Variants in ATRN observed in about 807,000 individuals in gnomAD.
ATRN encodes attractin-2.
A neutral mutation model predicts 178.7 loss-of-function variants in ATRN; 54 were observed. That is an observed-to-expected ratio of 0.30 (90% CI 0.24 to 0.38). The LOEUF is 0.38. Ranked by LOEUF, ATRN falls within the 10% of genes least tolerant of loss-of-function variation. The pLI, the probability that ATRN is intolerant of heterozygous loss-of-function variation, is 1.00. For missense variants in ATRN, 1,443 were observed against 1,815.1 expected (o/e 0.79, Z 3.73); for synonymous variants, 636 against 663.0 (o/e 0.96, Z 0.63).
chr20:3,621,625 C>G (rs190450175), intron 24 of ATRN, among the ~76,000 whole-genome samples: 1 of 152,038 alleles, frequency 6.6e-6, no homozygotes, highest in Admixed American at 6.5e-5. Context: ...AGAATTTCTT[C>G]TTTGTATTAA....
intron 12 of ATRN, among the ~76,000 whole-genome samples, chr20:3,574,839 A>T (rs1304389530): frequency 6.6e-6 from 1 of 152,168 alleles, no homozygotes; most frequent in East Asian, 1.9e-4. Context: ...AGAGCAGCCT[A>T]AGGAGCCGAC....
chr20:3,631,449 A>G (rs2086989097), intron 25 of ATRN, among the ~76,000 whole-genome samples: 2 of 148,502 alleles, frequency 1.3e-5, no homozygotes, highest in South Asian at 4.2e-4. Context: ...AGAAAAGTAA[A>G]CTCTAGGTCC....
intron 11 of ATRN, among the ~76,000 whole-genome samples, chr20:3,570,961 T>C (rs1367854447): frequency 6.6e-6 from 1 of 152,186 alleles, no homozygotes; most frequent in Non-Finnish European, 1.5e-5. Flanking sequence ...TTTGTGCACG[T>C]TTGTGTGTTT....
At chr20:3,630,763 T>C (rs6051988) in intron 25 of ATRN, among the ~76,000 whole-genome samples, 1,944 of 152,278 alleles carry the variant, frequency 0.013, 51 homozygotes, top group African/African-American at 0.045. Flanking sequence ...GGGGTTGAAC[T>C]TCTGGAAAAG....
At chr20:3,642,381 T>C (rs1305256146) in intron 27 of ATRN, among the ~76,000 whole-genome samples, 1 of 152,248 alleles carries the variant, frequency 6.6e-6, no homozygotes, top group Non-Finnish European at 1.5e-5. Context: ...CTGACATACC[T>C]TCCGCCTTTC....
chr20:3,628,574 C>T (rs1197873114), intron 25 of ATRN, among the ~76,000 whole-genome samples: 1 of 152,170 alleles, frequency 6.6e-6, no homozygotes, highest in Non-Finnish European at 1.5e-5. Flanking sequence ...TGTATCCACG[C>T]CCCTATGCTA....
rs758279716 is a variant in ATRN at position 3,584,033 on chromosome 20, C to T, written c.2900C>T (p.Ser967Phe). The change falls in exon 17 of 29, where the codon TCC (serine) becomes TTC (phenylalanine). Residue 967 changes from serine (S) to phenylalanine (F), a missense_variant. Physicochemically the swap from Ser to Phe is radical, Grantham distance 155. Coordinates refer to ENST00000262919, the MANE Select transcript of ATRN (RefSeq NM_139321.3). ...GTGGACTCCAATGCCTACGTGGCCTCCTTCCCTTTTGGCCAGTGTATGGAA... is the reference window on the plus strand; with the variant it reads ...GTGGACTCCAATGCCTACGTGGCCTTCTTCCCTTTTGGCCAGTGTATGGAA... ...QCVDSNAYVA[S>F]FPFGQCMEWY... is the part of the protein sequence containing the mutation. The T allele has an allele frequency of 1.2e-5, 19 of 1,614,138 alleles. 2 individuals carry two copies. In the South Asian group the frequency reaches 2.1e-4, roughly 18 times the overall value.
At chr20:3,573,484 C>A (rs1487062368) in intron 12 of ATRN, among the ~76,000 whole-genome samples, 1 of 152,074 alleles carries the variant, frequency 6.6e-6, no homozygotes, top group East Asian at 1.9e-4. Flanking sequence ...CCAGAAAAGC[C>A]ATGTTGAAGT....
At chr20:3,529,900 T>TTTAAG (rs2085426991) in intron 1 of ATRN, among the ~76,000 whole-genome samples, 1 of 152,186 alleles carries the variant, frequency 6.6e-6, no homozygotes, top group East Asian at 1.9e-4. Context: ...AGTAAAATAC[T>TTTAAG]GTCAGGTTAG....
In ATRN at chr20:3,535,850, G is replaced by A. The variant is rs190286397; in HGVS notation, c.494+514G>A. On this transcript the variant is annotated intron_variant, in intron 2 of 28. Coordinates refer to ENST00000262919, the MANE Select transcript of ATRN (RefSeq NM_139321.3). ...TCACCATGTTAACCAGGATGGTCTCGAACTCCTGACCTCAAGTGATCCGCT... is the reference window on the plus strand; with the variant it reads ...TCACCATGTTAACCAGGATGGTCTCAAACTCCTGACCTCAAGTGATCCGCT... Among the ~76,000 whole-genome samples the A allele has an allele frequency of 4.3e-3, 651 of 152,086 alleles. 3 individuals carry two copies. Among genetic ancestry groups the A allele is most frequent in the Non-Finnish European group, 6.8e-3 (459 of 67,986 alleles).
chr20:3,560,648 C>T lies in ATRN; in HGVS notation c.1204-14C>T. Reference sequence around the variant, plus strand: ...TCAATGTTTTTAAAAATTTTGTTTGCATTTTTTTCCTAGGATAAAATTTAC... The same window carrying T: ...TCAATGTTTTTAAAAATTTTGTTTGTATTTTTTTCCTAGGATAAAATTTAC... On this transcript the variant is annotated splice_polypyrimidine_tract_variant and intron_variant, in intron 7 of 28. Coordinates refer to ENST00000262919, the MANE Select transcript of ATRN (RefSeq NM_139321.3). The T allele has an allele frequency of 6.3e-7, 1 of 1,589,524 alleles. No homozygotes were observed. The highest frequency in any genetic ancestry group is 8.6e-7 in the Non-Finnish European group (1 of 1,161,060).
chr20:3,618,489 T>C (rs1202883787), intron 24 of ATRN, among the ~76,000 whole-genome samples: 1 of 152,218 alleles, frequency 6.6e-6, no homozygotes, highest in Non-Finnish European at 1.5e-5. Flanking sequence ...CAGCTAAGTA[T>C]GTAGTTCTCT....
At chr20:3,607,941 T>C (rs551409652) in intron 24 of ATRN, among the ~76,000 whole-genome samples, 5 of 152,324 alleles carry the variant, frequency 3.3e-5, no homozygotes, top group Admixed American at 6.5e-5. Flanking sequence ...CTCATTATGG[T>C]TTTGATTTGC....
At chr20:3,601,697 C>CAA (rs11475145) in intron 23 of ATRN, among the ~76,000 whole-genome samples, 4 of 84,818 alleles carry the variant, frequency 4.7e-5, no homozygotes, top group Admixed American at 1.4e-4. Flanking sequence ...ACCCTGTCTA[C>CAA]AAAAAAAAAA....
intron 1 of ATRN, chr20:3,490,929 A>C: frequency 7.1e-7 from 1 of 1,400,338 alleles, no homozygotes; most frequent in Non-Finnish European, 1.0e-6. Context: ...CTTAGTGAGC[A>C]TCTCTTTGGC....
chr20:3,603,412 C>A (rs1389518484), intron 23 of ATRN, among the ~76,000 whole-genome samples: 6 of 151,890 alleles, frequency 4.0e-5, no homozygotes, highest in Non-Finnish European at 7.4e-5. Context: ...TTTTCATGAT[C>A]ATGTGTGTCA....
intron 24 of ATRN, among the ~76,000 whole-genome samples, chr20:3,607,871 G>T (rs1412487709): frequency 6.6e-6 from 1 of 151,928 alleles, no homozygotes; most frequent in Non-Finnish European, 1.5e-5. Context: ...CTGTATCCTC[G>T]CCAGCATCTG....
chr20:3,512,931 C>G (rs566478192), intron 1 of ATRN, among the ~76,000 whole-genome samples: 51 of 152,218 alleles, frequency 3.4e-4, no homozygotes, highest in African/African-American at 1.2e-3. Flanking sequence ...TGTTCATATC[C>G]TTTGCCCACT....
intron 1 of ATRN, among the ~76,000 whole-genome samples, chr20:3,473,573 A>G (rs867069847): frequency 1.3e-5 from 2 of 152,224 alleles, no homozygotes; most frequent in Admixed American, 6.5e-5. Flanking sequence ...TCATGACATT[A>G]TAGGCTTTTA....
Sources: allele counts gnomAD v4.1 joint callset (sites outside exome capture counted in the v4.1 genomes callset), GRCh38; gene constraint gnomAD v4.1.1; transcripts MANE v1.5; gene names NCBI Gene and HGNC (gene_info 2026-07-23, HGNC 2026-07-21).